MED12L: variants seen among roughly 807,000 people sequenced by gnomAD.
MED12L encodes mediator of RNA polymerase II transcription subunit 12-like protein.
Under a neutral mutation model 281.3 loss-of-function variants are expected in MED12L, and 60 were observed. The observed-to-expected ratio is 0.21, with a 90% CI of 0.17 to 0.26. The LOEUF is 0.26. MED12L is among the 10% of genes least tolerant of loss of function. MED12L has a pLI of 1.00. For synonymous variants in MED12L, 974 were observed against 987.2 expected, an observed-to-expected ratio of 0.99 and a Z score of 0.25; for missense variants, 2,146 against 2,680.9, an observed-to-expected ratio of 0.80 and a Z score of 4.41.
intron 38 of MED12L, among the ~76,000 whole-genome samples, chr3:151,392,006 GT>G (rs1312324678): frequency 6.7e-6 from 1 of 148,692 alleles, no homozygotes; most frequent in African/African-American, 2.5e-5. Context: ...AGATGTAGAA[GT>G]TTGTTTGTAG....
intron 16 of MED12L, among the ~76,000 whole-genome samples, chr3:151,288,097 C>CA (rs940532776): frequency 1.8e-4 from 27 of 152,280 alleles, no homozygotes; most frequent in Admixed American, 9.8e-4. Context: ...CTCAGGAATC[C>CA]AATCAGGGTT....
intron 16 of MED12L, among the ~76,000 whole-genome samples, chr3:151,345,534 T>TC (rs1752424683): frequency 6.7e-6 from 1 of 148,276 alleles, no homozygotes; most frequent in African/African-American, 2.5e-5. Context: ...TTTTTTTTTT[T>TC]GAGACCAAGT....
At chr3:151,360,803 A>G (rs1032325675) in intron 21 of MED12L, among the ~76,000 whole-genome samples, 198 bp downstream of exon 21, 2 of 152,170 alleles carry the variant, frequency 1.3e-5, no homozygotes, top group Non-Finnish European at 2.9e-5. Context: ...CTATTACACA[A>G]TGTAAATGTG....
chr3:151,256,857 T>G (rs951409378), intron 16 of MED12L, among the ~76,000 whole-genome samples: 1 of 151,826 alleles, frequency 6.6e-6, no homozygotes, highest in Non-Finnish European at 1.5e-5. Flanking sequence ...AGGTTTTTTT[T>G]TTGTTGTTTT....
chr3:151,118,090 CAAAAA>C (rs778516389), intron 3 of MED12L, among the ~76,000 whole-genome samples: 5 of 87,826 alleles, frequency 5.7e-5, no homozygotes, highest in Non-Finnish European at 1.3e-4. Context: ...GACTCCATCT[CAAAAA>C]AAAAAAAAAA....
At chr3:151,270,349 G>A (rs1041353722) in intron 16 of MED12L, among the ~76,000 whole-genome samples, 4 of 151,514 alleles carry the variant, frequency 2.6e-5, no homozygotes, top group African/African-American at 9.7e-5. Context: ...AATGGGAAAA[G>A]GATCTCTACC....
intron 16 of MED12L, among the ~76,000 whole-genome samples, chr3:151,317,611 C>T (rs111558233): frequency 0.11 from 16,755 of 151,344 alleles, 1,223 homozygotes; most frequent in Middle Eastern, 0.18. Flanking sequence ...CGACTACACC[C>T]GGCTAATTTT....
At chr3:151,190,301 A>C (rs1669247982) in intron 13 of MED12L, among the ~76,000 whole-genome samples, 1 of 151,792 alleles carries the variant, frequency 6.6e-6, no homozygotes, top group South Asian at 2.1e-4. Flanking sequence ...CCTCCCGAGT[A>C]GCTGGGCTTA....
At chr3:151,338,171 A>C (rs759605986) in intron 16 of MED12L, 1 of 1,613,868 alleles carries the variant, frequency 6.2e-7, no homozygotes, top group African/African-American at 1.3e-5. Flanking sequence ...CTTTACCTAC[A>C]CCCCTCGTTC....
At chr3:151,276,279 G>C (rs1187069005) in intron 16 of MED12L, among the ~76,000 whole-genome samples, 1 of 152,206 alleles carries the variant, frequency 6.6e-6, no homozygotes, top group African/African-American at 2.4e-5. Flanking sequence ...AAGCTCACTG[G>C]TGATGTTGAT....
At chr3:151,145,396 T>C (rs765260847) in intron 5 of MED12L, among the ~76,000 whole-genome samples, 2 of 152,236 alleles carry the variant, frequency 1.3e-5, no homozygotes, top group African/African-American at 4.8e-5. Context: ...ATCCCACATA[T>C]GGTAATGTTC....
chr3:151,325,366 T>C (rs1396868031), intron 16 of MED12L, among the ~76,000 whole-genome samples: 2 of 152,204 alleles, frequency 1.3e-5, no homozygotes, highest in African/African-American at 2.4e-5. Flanking sequence ...TTTTAACTTT[T>C]GACAAAAGCC....
At chr3:151,110,234 C>T (rs1418841573) in intron 2 of MED12L, among the ~76,000 whole-genome samples, 1 of 152,112 alleles carries the variant, frequency 6.6e-6, no homozygotes, top group Non-Finnish European at 1.5e-5. Context: ...TTAGACTTGA[C>T]AAAAGCCTTC....
intron 16 of MED12L, chr3:151,198,411 C>CA (rs1432339593): frequency 1.4e-5 from 21 of 1,555,236 alleles, no homozygotes; most frequent in Non-Finnish European, 1.7e-5. Flanking sequence ...ATTGGTAGCA[C>CA]AAAAAATCCT....
chr3:151,337,646 T>C, intron 16 of MED12L: 2 of 665,710 alleles, frequency 3.0e-6, no homozygotes, highest in Non-Finnish European at 5.0e-6. Context: ...TATTTTAAGA[T>C]AGCTTTTCAT....
chr3:151,338,365 T>C lies in MED12L; in HGVS notation c.2251-11694T>C, dbSNP rs775744997. The stretch of plus-strand genomic sequence containing the variant: ...TCTCTCGGCTGCCTGTTGGTCAGAA[T>C]CATGTTAGGCAAAGAGAGTAAGAAC... On this transcript the variant is annotated intron_variant, in intron 16 of 44. Coordinates refer to ENST00000687756, the MANE Select transcript of MED12L (RefSeq NM_001393769.1). 11 of 1,614,150 alleles carry C rather than the reference T, an allele frequency of 6.8e-6. No homozygotes were observed. The South Asian group carries it at 1.1e-4, about 16-fold the overall frequency.
intron 16 of MED12L, among the ~76,000 whole-genome samples, chr3:151,254,388 TC>T (rs1737423902): frequency 6.6e-6 from 1 of 152,262 alleles, no homozygotes; most frequent in Admixed American, 6.5e-5. Flanking sequence ...GGATTGCAAC[TC>T]CCTAATTTCA....
chr3:151,222,036 C>T (rs1390355963), intron 16 of MED12L, among the ~76,000 whole-genome samples: 5 of 152,226 alleles, frequency 3.3e-5, no homozygotes, highest in African/African-American at 4.8e-5. Context: ...GGGTGTGAGA[C>T]ATGGAGTCAA....
At chr3:151,111,583 G>A (rs1711902989) in intron 2 of MED12L, among the ~76,000 whole-genome samples, 1 of 152,132 alleles carries the variant, frequency 6.6e-6, no homozygotes, top group Admixed American at 6.5e-5. Context: ...GTCAGTCTTA[G>A]CTGGTGCCAG....
Sources: allele counts gnomAD v4.1 joint callset (sites outside exome capture counted in the v4.1 genomes callset), GRCh38; gene constraint gnomAD v4.1.1; transcripts MANE v1.5; gene names NCBI Gene and HGNC (gene_info 2026-07-23, HGNC 2026-07-21).